The following LARGE1 variants were observed in gnomAD, a reference collection of about 807,000 sequenced individuals.
LARGE1 encodes LARGE xylosyl- and glucuronyltransferase 1.
In LARGE1, 43 loss-of-function variants were observed where a neutral mutation model predicts 87.6. The observed-to-expected ratio is 0.49, with a 90% CI of 0.38 to 0.63. LARGE1 has a LOEUF of 0.63. Among genes scored for constraint, LARGE1 ranks in the 30% least tolerant of loss-of-function variants. The pLI is 0.00. For missense variants in LARGE1, 802 were observed against 1,000.2 expected (o/e 0.80, Z 2.67); for synonymous variants, 434 against 394.6 (o/e 1.10, Z -1.18).
At chr22:33,908,432 G>A (rs758554304) in intron 1 of LARGE1, among the ~76,000 whole-genome samples, 1 of 151,966 alleles carries the variant, frequency 6.6e-6, no homozygotes, top group South Asian at 2.1e-4. Context: ...GATAAAGAAG[G>A]AAAGAGCTTA....
At chr22:33,628,492 T>A (rs240587) in intron 3 of LARGE1, among the ~76,000 whole-genome samples, 1 of 152,044 alleles carries the variant, frequency 6.6e-6, no homozygotes, top group African/African-American at 2.4e-5. Flanking sequence ...AATTTTTGTA[T>A]TTTTAGTAGA....
At chr22:33,486,919 T>C (rs1233864641) in intron 6 of LARGE1, among the ~76,000 whole-genome samples, 2 of 152,318 alleles carry the variant, frequency 1.3e-5, no homozygotes, top group East Asian at 3.9e-4. Flanking sequence ...TAGGTCTCTA[T>C]CAAATCTGTT....
In LARGE1 at chr22:33,650,670, TG is replaced by T; in HGVS notation, c.107-3del. ...GTGACAGAGACACGGGCTTTCCATC[TG>T]GGGAGCGAAACACCAGGGAAGCTTT... On this transcript the variant is annotated splice_polypyrimidine_tract_variant and splice_region_variant and intron_variant, in intron 2 of 14. Coordinates refer to ENST00000397394, the MANE Select transcript of LARGE1 (RefSeq NM_133642.5). 6.3e-7 allele frequency: 1 copy of T among 1,599,464 alleles called. No individual in the cohort carries two copies.
intron 11 of LARGE1, among the ~76,000 whole-genome samples, chr22:33,199,101 G>A (rs954568209): frequency 4.0e-5 from 6 of 151,892 alleles, no homozygotes; most frequent in Admixed American, 2.0e-4. Flanking sequence ...TCTGATGATC[G>A]TGATGTTGAG....
chr22:33,882,557 A>C (rs1240490250), intron 1 of LARGE1, among the ~76,000 whole-genome samples: 1 of 152,196 alleles, frequency 6.6e-6, no homozygotes, highest in Non-Finnish European at 1.5e-5. Context: ...CCAAAGATGA[A>C]ACTCAGCCTC....
intron 1 of LARGE1, among the ~76,000 whole-genome samples, chr22:33,764,524 G>A (rs778605762): frequency 1.8e-4 from 27 of 152,084 alleles, no homozygotes; most frequent in Non-Finnish European, 3.4e-4. Flanking sequence ...TTGGGAGGCC[G>A]AGGTGGGCAG....
intron 2 of LARGE1, among the ~76,000 whole-genome samples, chr22:33,692,460 G>A (rs530537838): frequency 3.3e-5 from 5 of 152,110 alleles, no homozygotes; most frequent in Admixed American, 6.5e-5. Flanking sequence ...ACAGGCACCC[G>A]TCATCACAAA....
intron 5 of LARGE1, among the ~76,000 whole-genome samples, chr22:33,586,736 C>A (rs570947887): frequency 6.6e-6 from 1 of 152,264 alleles, no homozygotes; most frequent in African/African-American, 2.4e-5. Flanking sequence ...GGATTACAGG[C>A]GTGAGCCACC....
intron 1 of LARGE1, among the ~76,000 whole-genome samples, chr22:33,896,861 T>A (rs1307061654): frequency 6.6e-6 from 1 of 152,200 alleles, no homozygotes; most frequent in African/African-American, 2.4e-5. Context: ...CTCCCCCAGC[T>A]GTGCTACAGG....
chr22:33,671,795 C>T (rs59682700), intron 2 of LARGE1, among the ~76,000 whole-genome samples: 12,674 of 152,144 alleles, frequency 0.083, 680 homozygotes, highest in African/African-American at 0.15. Flanking sequence ...GATATCCTAC[C>T]GTTCAAGGTC....
intron 11 of LARGE1, among the ~76,000 whole-genome samples, chr22:33,255,135 A>G (rs1927197269): frequency 6.6e-6 from 1 of 151,970 alleles, no homozygotes. Flanking sequence ...ACGGGGTTTC[A>G]CCATGTTGGT....
chr22:33,527,204 C>T (rs1304837538), intron 6 of LARGE1, among the ~76,000 whole-genome samples: 3 of 152,120 alleles, frequency 2.0e-5, no homozygotes, highest in East Asian at 1.9e-4. Context: ...TGCAGTGAGC[C>T]GAGATCGCAC....
chr22:33,122,856 TGTCAACTACCTGCTGATACGGACACAG>T, the LARGE1 span, among the ~76,000 whole-genome samples: 12 of 152,344 alleles, frequency 7.9e-5, no homozygotes, highest in African/African-American at 2.9e-4. Context: ...CCACCATCTC[TGTCAACTACCTGCTGATACGGACACAG>T]GTTTGATTTG....
intron 2 of LARGE1, among the ~76,000 whole-genome samples, chr22:33,664,485 C>T (rs184857977): frequency 1.1e-3 from 160 of 152,300 alleles, no homozygotes; most frequent in Non-Finnish European, 1.9e-3. Flanking sequence ...GTTCTGGGAC[C>T]TTTTACCTGG....
At chr22:33,221,740 T>A (rs1925466777) in intron 11 of LARGE1, 1 of 152,240 alleles carries the variant, frequency 6.6e-6, no homozygotes, top group South Asian at 2.1e-4. Context: ...GGATACTGAC[T>A]CATTGTGGAC....
intron 5 of LARGE1, among the ~76,000 whole-genome samples, chr22:33,589,255 G>A (rs1028864820): frequency 1.3e-5 from 2 of 152,124 alleles, no homozygotes; most frequent in Non-Finnish European, 2.9e-5. Flanking sequence ...GATTATCACA[G>A]CACTAATTTC....
rs562760219 is a variant in LARGE1 at position 33,628,117 on chromosome 22, G to A, written c.409-1791C>T. Among the ~76,000 whole-genome samples the A allele has an allele frequency of 3.3e-5, 5 of 152,288 alleles. No homozygotes were observed. The South Asian group carries it at 1.0e-3, about 32-fold the overall frequency. On this transcript the variant is annotated intron_variant, in intron 3 of 14. Transcript: ENST00000397394. ...GCTCCCAAGAAGAAAGAGGAGGGGA[G>A]ATGCAAGAGAGGAATGAGAAGCATC...
intron 11 of LARGE1, among the ~76,000 whole-genome samples, chr22:33,179,970 G>A (rs577052353): frequency 2.0e-5 from 3 of 151,530 alleles, no homozygotes; most frequent in Non-Finnish European, 4.4e-5. Flanking sequence ...TAAGGCCCTC[G>A]TAAAAGAGAA....
chr22:33,095,351 A>C, the LARGE1 span, among the ~76,000 whole-genome samples: 1 of 152,106 alleles, frequency 6.6e-6, no homozygotes. Context: ...GTGTCACTTC[A>C]ACCTCTGCTT....
Sources: allele counts gnomAD v4.1 joint callset (sites outside exome capture counted in the v4.1 genomes callset), GRCh38; gene constraint gnomAD v4.1.1; transcripts MANE v1.5; gene names NCBI Gene and HGNC (gene_info 2026-07-23, HGNC 2026-07-21).